Variants in TRHDE observed in about 807,000 individuals in gnomAD.
The protein encoded by TRHDE is thyrotropin releasing hormone degrading enzyme.
In TRHDE, 72 loss-of-function variants were observed where a neutral mutation model predicts 125.7. The observed-to-expected ratio is 0.57, with a 90% CI of 0.47 to 0.70. TRHDE has a LOEUF of 0.70. Ranked by LOEUF, TRHDE falls within the 30% of genes least tolerant of loss-of-function variation. The probability of loss-of-function intolerance (pLI) is 0.00; values close to 1 mark genes in which losing one functional copy is unlikely to be tolerated. For synonymous variants in TRHDE, 509 were observed against 509.1 expected (o/e 1.00, Z 0.00); for missense variants, 1,110 against 1,327.1 (o/e 0.84, Z 2.54).
intron 2 of TRHDE, among the ~76,000 whole-genome samples, chr12:72,357,788 C>A (rs564850614): frequency 4.6e-5 from 7 of 151,446 alleles, no homozygotes; most frequent in Non-Finnish European, 8.9e-5. Context: ...GCTATAGTAA[C>A]TATTTTACTG....
chr12:72,197,642 G>T (rs967237788), intron 2 of TRHDE, among the ~76,000 whole-genome samples: 14 of 151,962 alleles, frequency 9.2e-5, no homozygotes, highest in African/African-American at 3.4e-4. Flanking sequence ...CTAACTTCTT[G>T]TGTTCCTCTC....
intron 15 of TRHDE, among the ~76,000 whole-genome samples, chr12:72,644,712 T>C (rs1440594644): frequency 6.6e-6 from 1 of 151,824 alleles, no homozygotes; most frequent in Non-Finnish European, 1.5e-5. Context: ...AGAGGGAAAA[T>C]CCCAGCTCTT....
At chr12:72,178,294 A>G (rs1364702907) in intron 2 of TRHDE, among the ~76,000 whole-genome samples, 1 of 152,124 alleles carries the variant, frequency 6.6e-6, no homozygotes, top group Admixed American at 6.5e-5. Context: ...TACTGCTATT[A>G]TAAATTGCAA....
intron 5 of TRHDE, among the ~76,000 whole-genome samples, chr12:72,483,611 A>G (rs1877274047): frequency 6.6e-6 from 1 of 152,084 alleles, no homozygotes; most frequent in Admixed American, 6.5e-5. Context: ...TACTAATTAT[A>G]CAATCAGTTT....
intron 3 of TRHDE, among the ~76,000 whole-genome samples, chr12:72,468,474 A>T (rs1446568007): frequency 6.6e-6 from 1 of 152,180 alleles, no homozygotes; most frequent in African/African-American, 2.4e-5. Flanking sequence ...TTTCTGTTGC[A>T]TCGTAGGGAG....
intron 3 of TRHDE, among the ~76,000 whole-genome samples, chr12:72,438,319 T>C (rs1413808380): frequency 6.6e-6 from 1 of 151,800 alleles, no homozygotes; most frequent in East Asian, 1.9e-4. Context: ...GGTCATGTGG[T>C]AGTTCTATTT....
At chr12:72,659,288 A>G (rs1874825428) in intron 18 of TRHDE, among the ~76,000 whole-genome samples, 1 of 152,266 alleles carries the variant, frequency 6.6e-6, no homozygotes, top group Non-Finnish European at 1.5e-5. Context: ...ATATTTCTTC[A>G]TAAGGCAATC....
At chr12:72,558,237 T>C (rs981658488) in intron 7 of TRHDE, among the ~76,000 whole-genome samples, 5 of 152,060 alleles carry the variant, frequency 3.3e-5, no homozygotes, top group Non-Finnish European at 7.4e-5. Flanking sequence ...TGTGTGACAA[T>C]ATAAAAGAGA....
At chr12:72,472,931 A>T (rs1876716911) in intron 4 of TRHDE, 136 bp from the exon 5 acceptor site, 3 of 716,166 alleles carry the variant, frequency 4.2e-6, no homozygotes, top group Non-Finnish European at 7.0e-6. Flanking sequence ...TTGCCACAAC[A>T]CATTTTAAGA....
intron 2 of TRHDE, among the ~76,000 whole-genome samples, chr12:72,154,269 T>C (rs1876448317): frequency 6.6e-6 from 1 of 152,194 alleles, no homozygotes; most frequent in African/African-American, 2.4e-5. Context: ...CTCCATCCCT[T>C]TATTTTGAGC....
intron 7 of TRHDE, chr12:72,560,436 C>T (rs1870123544): frequency 6.6e-6 from 1 of 152,116 alleles, no homozygotes. Flanking sequence ...CCTTTATTTC[C>T]ACTTTGCTGA....
At chr12:72,623,615 A>T (rs1873139359) in intron 15 of TRHDE, among the ~76,000 whole-genome samples, 1 of 152,102 alleles carries the variant, frequency 6.6e-6, no homozygotes, top group African/African-American at 2.4e-5. Context: ...ATTTTCAAGT[A>T]AGAACTAAGT....
intron 12 of TRHDE, among the ~76,000 whole-genome samples, chr12:72,597,727 A>G (rs1446053840): frequency 0.013 from 89 of 7,000 alleles, 7 homozygotes; most frequent in African/African-American, 0.035. Flanking sequence ...ATATATATAT[A>G]TATATATATA....
At chr12:72,545,310 G>C (rs1167564358) in intron 7 of TRHDE, among the ~76,000 whole-genome samples, 1 of 151,398 alleles carries the variant, frequency 6.6e-6, no homozygotes, top group Non-Finnish European at 1.5e-5. Context: ...GAATAAATAA[G>C]GAGAAATAAT....
intron 15 of TRHDE, among the ~76,000 whole-genome samples, chr12:72,651,913 C>G (rs1305822247): frequency 1.3e-5 from 2 of 152,000 alleles, no homozygotes; most frequent in Non-Finnish European, 2.9e-5. Context: ...TCCGTTCTAT[C>G]CAAATTAATT....
In TRHDE at chr12:72,519,159, G is replaced by A. The variant is rs376520374; in HGVS notation, c.1722+19524G>A. Among the ~76,000 whole-genome samples the A allele has an allele frequency of 8.7e-3, 1,328 of 152,064 alleles. 20 individuals carry two copies. The highest frequency in any genetic ancestry group is 0.028 in the African/African-American group (1,141 of 41,452). ...TCTTCTCGAGGAGTATCTTTGTGGC[G>A]TTCTCTGTATTTCCTGAATCTGAAT... On this transcript the variant is annotated intron_variant, in intron 6 of 18. Transcript: ENST00000261180.
chr12:72,244,455 T>A lies in TRHDE; in HGVS notation n.280-133540T>A, dbSNP rs545828099. On this transcript the variant is annotated intron_variant and non_coding_transcript_variant, in intron 2 of 4. Coordinates refer to the TRHDE transcript ENST00000548156. ...TGTAGATAAAAATAATCATCATCCA[T>A]GGCTACATGAACTAATTAAACAAAA... 9.2e-5 allele frequency among the ~76,000 whole-genome samples: 14 copies of A among 152,242 alleles called. No individual in the cohort carries two copies. In the East Asian group the frequency reaches 2.7e-3, roughly 29 times the overall value.
intron 12 of TRHDE, among the ~76,000 whole-genome samples, chr12:72,600,196 G>T (rs1872153098): frequency 1.3e-5 from 2 of 151,662 alleles, no homozygotes; most frequent in African/African-American, 4.8e-5. Context: ...TGATGCCTCT[G>T]GTTTTGTTCT....
At chr12:72,180,194 G>GT (rs1347270745) in intron 2 of TRHDE, among the ~76,000 whole-genome samples, 1 of 151,748 alleles carries the variant, frequency 6.6e-6, no homozygotes, top group Non-Finnish European at 1.5e-5. Flanking sequence ...AAAAAGTTAT[G>GT]TTTTTAGAGC....
Sources: allele counts gnomAD v4.1 joint callset (sites outside exome capture counted in the v4.1 genomes callset), GRCh38; gene constraint gnomAD v4.1.1; transcripts MANE v1.5; gene names NCBI Gene and HGNC (gene_info 2026-07-23, HGNC 2026-07-21).